The following ETS1 variants were observed in gnomAD, a reference collection of about 807,000 sequenced individuals.
ETS1 encodes protein C-ets-1.
A neutral mutation model predicts 58.6 loss-of-function variants in ETS1; 15 were observed. The ratio of observed to expected loss-of-function variants is 0.26; its 90% CI spans 0.17 to 0.39. The LOEUF (loss-of-function observed/expected upper bound fraction) is 0.39. ETS1 is among the 10% of genes least tolerant of loss of function. The probability of loss-of-function intolerance (pLI) is 1.00; values close to 1 mark genes in which losing one functional copy is unlikely to be tolerated. For missense variants in ETS1, 417 were observed against 610.5 expected (o/e 0.68, Z 3.34); for synonymous variants, 214 against 218.2 (o/e 0.98, Z 0.17).
At chr11:128,548,254 A>G (rs533917450) in intron 3 of ETS1, among the ~76,000 whole-genome samples, 1 of 150,458 alleles carries the variant, frequency 6.6e-6, no homozygotes, top group South Asian at 2.1e-4. Context: ...AATGTATGAA[A>G]AGGTAACCTA....
intron 1 of ETS1, among the ~76,000 whole-genome samples, chr11:128,579,142 C>T (rs1184166815): frequency 1.3e-5 from 2 of 152,120 alleles, no homozygotes; most frequent in African/African-American, 4.8e-5. Context: ...TAAAACATAT[C>T]CTGGGTATGA....
At chr11:128,521,866 G>A in intron 3 of ETS1, 3 of 1,529,034 alleles carry the variant, frequency 2.0e-6, no homozygotes, top group Non-Finnish European at 2.7e-6. Flanking sequence ...GGGACCCCCG[G>A]CCTCTGGCCG....
chr11:128,469,006 A>G (rs537618161), intron 8 of ETS1, among the ~76,000 whole-genome samples: 2 of 152,344 alleles, frequency 1.3e-5, no homozygotes, highest in Admixed American at 1.3e-4. Context: ...TACTGAAACA[A>G]ACCTCCTCTG....
At chr11:128,555,858 G>C (rs1864303582) in intron 3 of ETS1, among the ~76,000 whole-genome samples, 1 of 152,182 alleles carries the variant, frequency 6.6e-6, no homozygotes, top group African/African-American at 2.4e-5. Context: ...AAAGAATTGG[G>C]ATCCAGGTGG....
rs914430145 is a variant in ETS1, at chr11:128,558,160, G to C, written c.70-1725C>G. ...CTTCCAACTGCATTAAAGGTACTGA[G>C]GATGTAAGTGGGACTCAGTGGAAAT... On this transcript the variant is annotated intron_variant, in intron 2 of 9. Transcript: ENST00000392668. Among the ~76,000 whole-genome samples, 20 of 152,326 alleles carry C rather than the reference G, an allele frequency of 1.3e-4. No individual in the cohort carries two copies. The East Asian group carries it at 3.7e-3, about 28-fold the overall frequency.
At chr11:128,553,526 CAT>C (rs1458964804) in intron 3 of ETS1, among the ~76,000 whole-genome samples, 1 of 152,088 alleles carries the variant, frequency 6.6e-6, no homozygotes, top group Non-Finnish European at 1.5e-5. Flanking sequence ...CATTTTCACA[CAT>C]CTCTTCTTTC....
At chr11:128,495,884 G>GT (rs1266164399) in intron 3 of ETS1, among the ~76,000 whole-genome samples, 1 of 152,136 alleles carries the variant, frequency 6.6e-6, no homozygotes, top group Admixed American at 6.5e-5. Flanking sequence ...CCCTCATAGA[G>GT]TTTTACATTT....
chr11:128,562,265 C>T (rs1864416306), intron 2 of ETS1, among the ~76,000 whole-genome samples: 1 of 152,126 alleles, frequency 6.6e-6, no homozygotes. Context: ...AAAAATTAGC[C>T]AGGCGTGGTG....
intron 2 of ETS1, among the ~76,000 whole-genome samples, chr11:128,564,905 T>C (rs1864464899): frequency 6.6e-6 from 1 of 151,918 alleles, no homozygotes; most frequent in African/African-American, 2.4e-5. Flanking sequence ...ATCTACACAA[T>C]GGAGTTTGGG....
At chr11:128,522,511 C>T (rs1863712819) in intron 3 of ETS1, 2 of 294,458 alleles carry the variant, frequency 6.8e-6, no homozygotes, top group Non-Finnish European at 1.0e-5. Context: ...CGCCCGCGGC[C>T]CAAAGCGAAA....
intron 1 of ETS1, among the ~76,000 whole-genome samples, chr11:128,586,175 C>T (rs567535357): frequency 6.6e-6 from 1 of 152,364 alleles, no homozygotes; most frequent in Admixed American, 6.5e-5. Flanking sequence ...TGTTATTTCA[C>T]TATTGAGTTG....
chr11:128,535,966 G>A (rs1863967097), intron 3 of ETS1, among the ~76,000 whole-genome samples: 1 of 152,132 alleles, frequency 6.6e-6, no homozygotes, highest in African/African-American at 2.4e-5. Context: ...TTCTGGCAAG[G>A]TTCCTACTTG....
chr11:128,466,432 T>C (rs1353023006), intron 8 of ETS1, among the ~76,000 whole-genome samples: 2 of 152,206 alleles, frequency 1.3e-5, no homozygotes, highest in Non-Finnish European at 1.5e-5. Flanking sequence ...TCTCCTGCCC[T>C]TGGGACTTGG....
chr11:128,462,554 C>G lies in ETS1; in HGVS notation c.1265G>C (p.Arg422Thr). The G allele has an allele frequency of 6.2e-7, 1 of 1,614,062 alleles. No homozygotes were observed. The highest frequency in any genetic ancestry group is 8.5e-7 in the Non-Finnish European group (1 of 1,179,902). The change falls in exon 10 of 10, where the codon AGG (arginine) becomes ACG (threonine). Residue 422 changes from arginine (R) to threonine (T), a missense_variant. Around this residue, in one of 4 missense-constraint regions of ETS1, gnomAD observed 56 missense variants for 156.1 expected, o/e 0.36. Coordinates refer to ENST00000392668, the MANE Select transcript of ETS1 (RefSeq NM_001143820.2). ...PDEVARRWGKRKNKPKMNYEK... is the reference protein window; with the variant it reads ...PDEVARRWGKTKNKPKMNYEK... The stretch of plus-strand genomic sequence containing the variant: ...ATAATTCATCTTAGGTTTGTTTTTC[C>G]TCTTTCCCCATCTCCTGGCCACCTG...
intron 2 of ETS1, among the ~76,000 whole-genome samples, chr11:128,570,559 G>C (rs1304008709): frequency 6.6e-6 from 1 of 152,036 alleles, no homozygotes; most frequent in Non-Finnish European, 1.5e-5. Context: ...TTCATTCTTA[G>C]CCAAAATATT....
Position 128,462,275 on chromosome 11 carries a change from A to C in ETS1, c.*86T>G. The C allele has an allele frequency of 9.4e-7, 1 of 1,063,138 alleles. No individual in the cohort carries two copies. Among genetic ancestry groups the C allele is most frequent in the South Asian group, 1.4e-5 (1 of 70,594 alleles). 65.9% of individuals were successfully genotyped at this position (1,063,138 alleles called of 1,614,324 possible). A position where few individuals can be genotyped will look rare whatever the true frequency, so the allele number is the denominator to read the frequency against. ...AAATGAGTTCTGGAAAATAAAAAAT[A>C]GAATAACAATTCAAAATTCAGAGTC... On this transcript the variant is annotated 3_prime_UTR_variant, in exon 10 of 10. Coordinates refer to ENST00000392668, the MANE Select transcript of ETS1 (RefSeq NM_001143820.2).
At chr11:128,547,934 G>T (rs1864156649) in intron 3 of ETS1, among the ~76,000 whole-genome samples, 4 of 151,992 alleles carry the variant, frequency 2.6e-5, no homozygotes, top group Admixed American at 2.0e-4. Context: ...GTGGGAAGGT[G>T]ATTTTTCTCA....
intron 3 of ETS1, among the ~76,000 whole-genome samples, chr11:128,522,808 G>A (rs1863724130): frequency 6.6e-6 from 1 of 152,240 alleles, no homozygotes; most frequent in South Asian, 2.1e-4. Flanking sequence ...GTGGATGAAG[G>A]CGAGCGTGCA....
chr11:128,585,038 AAGAAAG>A (rs1226742469), intron 1 of ETS1, among the ~76,000 whole-genome samples: 1 of 13,556 alleles, frequency 7.4e-5, no homozygotes, highest in Non-Finnish European at 1.2e-4. Context: ...AAAGAAAAGA[AAGAAAG>A]AAAGAAAGAA....
Sources: allele counts gnomAD v4.1 joint callset (sites outside exome capture counted in the v4.1 genomes callset), GRCh38; gene constraint gnomAD v4.1.1; regional missense constraint gnomAD v4.1.1; transcripts MANE v1.5; gene names NCBI Gene and HGNC (gene_info 2026-07-23, HGNC 2026-07-21).